Variants in BLNK observed in about 807,000 individuals in gnomAD.
BLNK encodes B-cell linker protein.
In BLNK, 29 loss-of-function variants were observed where a neutral mutation model predicts 73.5. That is an observed-to-expected ratio of 0.39 (90% CI 0.29 to 0.54). The LOEUF (loss-of-function observed/expected upper bound fraction) is 0.54. Among genes scored for constraint, BLNK ranks in the 20% least tolerant of loss-of-function variants. BLNK has a pLI of 0.61. For missense variants in BLNK, 460 were observed against 562.8 expected (o/e 0.82, Z 1.85); for synonymous variants, 176 against 200.8 (o/e 0.88, Z 1.04).
chr10:96,225,067 G>T (rs781903222), intron 5 of BLNK, among the ~76,000 whole-genome samples: 7 of 152,212 alleles, frequency 4.6e-5, no homozygotes, highest in Non-Finnish European at 8.8e-5. Flanking sequence ...TAGGAAGATT[G>T]CAGTGAAGGC....
intron 3 of BLNK, among the ~76,000 whole-genome samples, chr10:96,238,223 A>T (rs587655498): frequency 1.3e-5 from 2 of 152,298 alleles, no homozygotes; most frequent in Admixed American, 1.3e-4. Flanking sequence ...TCTGTACTCT[A>T]ACTAGGGAAG....
chr10:96,210,176 C>T (rs1185026738), intron 8 of BLNK: 3 of 473,262 alleles, frequency 6.3e-6, no homozygotes, highest in Non-Finnish European at 7.8e-6. Context: ...TTCTCCTTAC[C>T]CGCCCCCTGC....
chr10:96,255,106 G>A (rs139052393), intron 1 of BLNK, among the ~76,000 whole-genome samples: 1 of 152,294 alleles, frequency 6.6e-6, no homozygotes, highest in African/African-American at 2.4e-5. Flanking sequence ...CTGGCCAAGA[G>A]AGCACAAGGA....
chr10:96,221,684 C>G (rs958116564), intron 6 of BLNK, among the ~76,000 whole-genome samples: 1 of 152,188 alleles, frequency 6.6e-6, no homozygotes, highest in Non-Finnish European at 1.5e-5. Context: ...CATTCTATAT[C>G]TGAATTTGTG....
rs980261654 is a variant in BLNK, at chr10:96,252,755, C to T, written c.48-5706G>A. On this transcript the variant is annotated intron_variant, in intron 1 of 16. Transcript: ENST00000224337. ...CAGGCAGAACATGCCCCTCTCCTTGCGTGACAATGGAAAAGGGACTGGCCC... is the reference window on the plus strand; with the variant it reads ...CAGGCAGAACATGCCCCTCTCCTTGTGTGACAATGGAAAAGGGACTGGCCC... 4.1e-4 allele frequency among the ~76,000 whole-genome samples: 62 copies of T among 152,150 alleles called. 1 individual carries two copies. The highest frequency in any genetic ancestry group is 1.5e-5 in the Non-Finnish European group (1 of 68,036).
chr10:96,192,100 A>G lies in BLNK; in HGVS notation c.1252-8T>C. 2 of 1,613,472 alleles carry G rather than the reference A, an allele frequency of 1.2e-6. No individual in the cohort carries two copies. Among genetic ancestry groups the G allele is most frequent in the Non-Finnish European group, 1.7e-6 (2 of 1,179,644 alleles). The stretch of plus-strand genomic sequence containing the variant: ...AGCAACACTTCCAAAGTACTAGAGG[A>G]AGAAAACATAGATGAATTATACTTT... On this transcript the variant is annotated splice_polypyrimidine_tract_variant and splice_region_variant and intron_variant, in intron 16 of 16. Transcript: ENST00000224337.
At chr10:96,257,547 C>T (rs1843569194) in intron 1 of BLNK, among the ~76,000 whole-genome samples, 1 of 152,244 alleles carries the variant, frequency 6.6e-6, no homozygotes, top group Non-Finnish European at 1.5e-5. Context: ...CAAAGTAAAT[C>T]AGCAGGACTG....
chr10:96,266,496 T>C (rs1844013096), intron 1 of BLNK, among the ~76,000 whole-genome samples: 1 of 152,202 alleles, frequency 6.6e-6, no homozygotes, highest in Non-Finnish European at 1.5e-5. Flanking sequence ...TTTTCTTGGC[T>C]GATGACTCTG....
chr10:96,231,872 G>A (rs781910084), intron 3 of BLNK, among the ~76,000 whole-genome samples: 5 of 152,200 alleles, frequency 3.3e-5, no homozygotes, highest in Admixed American at 1.3e-4. Flanking sequence ...ACGGGCATGC[G>A]CTGAGCCCCC....
chr10:96,270,731 G>A (rs538945226), intron 1 of BLNK, among the ~76,000 whole-genome samples: 1 of 152,070 alleles, frequency 6.6e-6, no homozygotes, highest in African/African-American at 2.4e-5. Flanking sequence ...ACCTTCAAAA[G>A]CAAAATTTGG....
At chr10:96,199,966 T>C in intron 15 of BLNK, 109 bp downstream of exon 15, 1 of 680,712 alleles carries the variant, frequency 1.5e-6, no homozygotes, top group Non-Finnish European at 2.1e-6. Context: ...AGGCAGAGGT[T>C]GCAGTGAGCT....
At chr10:96,194,372 A>G (rs2083405178) in intron 16 of BLNK, among the ~76,000 whole-genome samples, 2 of 152,254 alleles carry the variant, frequency 1.3e-5, no homozygotes, top group African/African-American at 4.8e-5. Flanking sequence ...TTAAAAGCAA[A>G]ATAAAATTCC....
At chr10:96,251,230 A>G (rs879990734) in intron 1 of BLNK, among the ~76,000 whole-genome samples, 10 of 152,254 alleles carry the variant, frequency 6.6e-5, no homozygotes, top group Non-Finnish European at 1.5e-4. Context: ...ATAGTGACCC[A>G]AAACCAAGAT....
chr10:96,223,784 C>T, intron 6 of BLNK, 42 bp downstream of exon 6: 5 of 1,611,022 alleles, frequency 3.1e-6, no homozygotes, highest in Non-Finnish European at 4.2e-6. Flanking sequence ...TGCCCCACCC[C>T]CCTCTGTGTC....
chr10:96,202,690 C>T (rs886801862), intron 13 of BLNK, among the ~76,000 whole-genome samples: 1 of 152,166 alleles, frequency 6.6e-6, no homozygotes, highest in Non-Finnish European at 1.5e-5. Context: ...AGGGGAACAG[C>T]ACTCCCAGGT....
intron 3 of BLNK, among the ~76,000 whole-genome samples, chr10:96,231,698 G>C (rs1405171952): frequency 6.9e-6 from 1 of 144,414 alleles, no homozygotes; most frequent in Non-Finnish European, 1.5e-5. Flanking sequence ...TTGCACTCTA[G>C]CTGGGATGAC....
At chr10:96,223,241 C>A (rs1238470313) in intron 6 of BLNK, among the ~76,000 whole-genome samples, 1 of 152,324 alleles carries the variant, frequency 6.6e-6, no homozygotes, top group Middle Eastern at 3.4e-3. Context: ...CACAAGCGGA[C>A]AGCCCACACA....
At chr10:96,233,549 C>T (rs1842587670) in intron 3 of BLNK, among the ~76,000 whole-genome samples, 1 of 152,226 alleles carries the variant, frequency 6.6e-6, no homozygotes, top group Admixed American at 6.5e-5. Flanking sequence ...AACAGTAACA[C>T]CAGACAGCTT....
intron 3 of BLNK, 30 bp from the exon 4 acceptor site, chr10:96,230,864 C>G: frequency 1.2e-6 from 2 of 1,607,986 alleles, no homozygotes; most frequent in Non-Finnish European, 1.7e-6. Context: ...GCAGAAGGCA[C>G]AAGTGTGAGC....
Sources: allele counts gnomAD v4.1 joint callset (sites outside exome capture counted in the v4.1 genomes callset), GRCh38; gene constraint gnomAD v4.1.1; transcripts MANE v1.5; gene names NCBI Gene and HGNC (gene_info 2026-07-23, HGNC 2026-07-21).